Variants in PUS10 observed in about 807,000 individuals in gnomAD.
PUS10 encodes tRNA pseudouridine synthase Pus10.
Under a neutral mutation model 75.0 loss-of-function variants are expected in PUS10, and 59 were observed. That is an observed-to-expected ratio of 0.79 (90% CI 0.64 to 0.98). The LOEUF (loss-of-function observed/expected upper bound fraction) is 0.98, where lower values mean the gene tolerates loss of function less well. Among genes scored for constraint, PUS10 ranks in the 50% least tolerant of loss-of-function variants. The probability of loss-of-function intolerance (pLI) is 0.00; values close to 1 mark genes in which losing one functional copy is unlikely to be tolerated. For synonymous variants in PUS10, 219 were observed against 211.6 expected, an observed-to-expected ratio of 1.03 and a Z score of -0.30; for missense variants, 650 against 614.4, an observed-to-expected ratio of 1.06 and a Z score of -0.61.
intron 4 of PUS10, among the ~76,000 whole-genome samples, chr2:60,993,839 G>A (rs145281763): frequency 0.02 from 3,005 of 152,176 alleles, 34 homozygotes; most frequent in Middle Eastern, 0.041. Flanking sequence ...GCCCAGTCTG[G>A]AGTGCAGTGG....
chr2:60,974,602 G>A (rs1341186583), intron 4 of PUS10, among the ~76,000 whole-genome samples: 1 of 152,198 alleles, frequency 6.6e-6, no homozygotes, highest in Admixed American at 6.5e-5. Context: ...CCCTGAGCCA[G>A]GGCGTGACAC....
At chr2:60,984,869 G>A (rs576205799) in intron 4 of PUS10, among the ~76,000 whole-genome samples, 12 of 152,188 alleles carry the variant, frequency 7.9e-5, no homozygotes, top group South Asian at 2.1e-4. Flanking sequence ...GCAGGTATAC[G>A]TTAATATGTA....
chr2:60,949,333 A>C (rs1410169572), intron 15 of PUS10, among the ~76,000 whole-genome samples: 1 of 152,198 alleles, frequency 6.6e-6, no homozygotes, highest in Non-Finnish European at 1.5e-5. Context: ...CCTTTAAATT[A>C]ACAACTATCT....
At chr2:60,971,865 C>CTTT (rs756222357) in intron 4 of PUS10, among the ~76,000 whole-genome samples, 328 of 99,614 alleles carry the variant, frequency 3.3e-3, no homozygotes, top group African/African-American at 5.2e-3. Flanking sequence ...TCTTTCTTCT[C>CTTT]TTTTTTTTTT....
intron 1 of PUS10, among the ~76,000 whole-genome samples, chr2:61,013,793 G>T (rs748121283): frequency 2.0e-5 from 3 of 152,056 alleles, no homozygotes; most frequent in African/African-American, 7.2e-5. Context: ...GGGAGGCTGA[G>T]GTGGGCAGAT....
chr2:60,966,278 C>A (rs1218414421), intron 6 of PUS10: 1 of 151,980 alleles, frequency 6.6e-6, no homozygotes, highest in Non-Finnish European at 1.5e-5. Flanking sequence ...TATACTTTTA[C>A]CTCCATGGAG....
Position 60,953,015 on chromosome 2 carries a change from T to A in PUS10, c.1290A>T (p.Glu430Asp). ...AAACTACCTTTATGTCATTTAGGAA[T>A]TCAATGTCTTTCTTCTGTATCGCTT... ...TNKAIQKKDI[E>D]FLNDIKDLKI... Residue 430 changes from glutamate to aspartate, a missense_variant, in exon 15 of 18, where the codon GAA becomes GAT. By Grantham distance (45) the Glu-to-Asp change is conservative (BLOSUM62 2). Coordinates refer to ENST00000316752, the MANE Select transcript of PUS10 (RefSeq NM_144709.4). 2 of 1,558,938 alleles carry A rather than the reference T, an allele frequency of 1.3e-6. No individual in the cohort carries two copies. The highest frequency in any genetic ancestry group is 1.1e-5 in the South Asian group (1 of 89,514).
chr2:61,017,735 C>T (rs1680098679), intron 1 of PUS10: 2 of 1,540,354 alleles, frequency 1.3e-6, no homozygotes, highest in Non-Finnish European at 1.8e-6. Context: ...GGGGTAGGAG[C>T]GGGAGCCGAG....
intron 4 of PUS10, among the ~76,000 whole-genome samples, chr2:60,998,432 C>A (rs1287742539): frequency 6.6e-6 from 1 of 152,146 alleles, no homozygotes; most frequent in Non-Finnish European, 1.5e-5. Flanking sequence ...TGGTTCATGC[C>A]TGTAATCCTA....
In PUS10 at chr2:60,941,293, T is replaced by G. The variant is rs944780267; in HGVS notation, c.*1102A>C. 1 of 152,242 alleles carries G rather than the reference T, an allele frequency of 6.6e-6. No individual in the cohort carries two copies. The highest frequency in any genetic ancestry group is 1.5e-5 in the Non-Finnish European group (1 of 67,982). 9.4% of individuals were successfully genotyped at this position (152,242 alleles called of 1,614,324 possible). A position where few individuals can be genotyped will look rare whatever the true frequency, so the allele number is the denominator to read the frequency against. ...AGTCTTGGGCTATTTTTTGGTAAGC[T>G]CTTTGATTTGGTAACTACATTCCAA... On this transcript the variant is annotated 3_prime_UTR_variant, in exon 18 of 18. Coordinates refer to ENST00000316752, the MANE Select transcript of PUS10 (RefSeq NM_144709.4).
intron 1 of PUS10, among the ~76,000 whole-genome samples, chr2:61,013,104 T>G (rs1336022529): frequency 6.6e-6 from 1 of 150,818 alleles, no homozygotes; most frequent in Non-Finnish European, 1.5e-5. Context: ...AATTGAAAAA[T>G]TAGCTGGGCA....
chr2:60,961,691 G>A (rs1676037257), intron 9 of PUS10, 143 bp from the exon 10 acceptor site: 1 of 691,012 alleles, frequency 1.4e-6, no homozygotes, highest in Non-Finnish European at 2.6e-6. Context: ...AGGTCTTGCA[G>A]GCCTGTGGAG....
intron 5 of PUS10, among the ~76,000 whole-genome samples, chr2:60,968,104 A>C (rs1433618947): frequency 6.6e-6 from 1 of 152,214 alleles, no homozygotes; most frequent in Admixed American, 6.5e-5. Flanking sequence ...GCTGAAGAAG[A>C]AATATTAAAT....
At chr2:60,976,285 G>A (rs1259472902) in intron 4 of PUS10, among the ~76,000 whole-genome samples, 1 of 152,172 alleles carries the variant, frequency 6.6e-6, no homozygotes, top group Non-Finnish European at 1.5e-5. Context: ...AAGATTTACA[G>A]GACTTGATCT....
chr2:60,974,437 C>A (rs113817804), intron 4 of PUS10, among the ~76,000 whole-genome samples: 173 of 152,150 alleles, frequency 1.1e-3, no homozygotes, highest in African/African-American at 4.0e-3. Context: ...TCTTCCTGGA[C>A]GCAAGACAAG....
intron 8 of PUS10, among the ~76,000 whole-genome samples, chr2:60,964,833 A>T (rs562367047): frequency 6.6e-6 from 1 of 152,326 alleles, no homozygotes; most frequent in Admixed American, 6.5e-5. Context: ...CAATCTAGAC[A>T]CTACACAAAC....
Position 60,952,853 on chromosome 2 carries a change from A to G in PUS10, c.1308+144T>C, listed in dbSNP as rs935882852. ...GAACTGCCCAGTCCTTCAGCTAGTC[A>G]GTGGCAGAACCAGGCTTGGAACCCA... On this transcript the variant is annotated intron_variant, in intron 15 of 17. Transcript: ENST00000316752. 7 of 566,796 alleles carry G rather than the reference A, an allele frequency of 1.2e-5. No homozygotes were observed. The African/African-American group carries it at 1.3e-4, about 11-fold the overall frequency. 35.1% of individuals were successfully genotyped at this position (566,796 alleles called of 1,614,324 possible).
At chr2:61,012,834 C>CAAAAAAAAAAAA (rs70959885) in intron 1 of PUS10, among the ~76,000 whole-genome samples, 1 of 30,168 alleles carries the variant, frequency 3.3e-5, no homozygotes, top group Non-Finnish European at 5.0e-5. Context: ...AACTCCGTCT[C>CAAAAAAAAAAAA]AAAAAAAAAA....
At chr2:61,008,704 T>C in intron 3 of PUS10, 57 bp downstream of exon 3, 1 of 1,341,350 alleles carries the variant, frequency 7.5e-7, no homozygotes, top group Non-Finnish European at 1.0e-6. Context: ...GAATTCTTGG[T>C]TTTAAGACTG....
Sources: allele counts gnomAD v4.1 joint callset (sites outside exome capture counted in the v4.1 genomes callset), GRCh38; gene constraint gnomAD v4.1.1; transcripts MANE v1.5; gene names NCBI Gene and HGNC (gene_info 2026-07-23, HGNC 2026-07-21).